The following EPAS1 variants were observed in gnomAD, a reference collection of about 807,000 sequenced individuals.
EPAS1 encodes the protein endothelial PAS domain protein 1.
A neutral mutation model predicts 87.9 loss-of-function variants in EPAS1; 23 were observed. The observed-to-expected ratio is 0.26, with a 90% confidence interval of 0.19 to 0.37. The LOEUF (loss-of-function observed/expected upper bound fraction) is 0.37. Among genes scored for constraint, EPAS1 ranks in the 10% least tolerant of loss-of-function variants. EPAS1 has a pLI of 1.00. For synonymous variants in EPAS1, 508 were observed against 444.3 expected (o/e 1.14, Z -1.80); for missense variants, 1,138 against 1,120.7 (o/e 1.02, Z -0.22).
intron 1 of EPAS1, among the ~76,000 whole-genome samples, chr2:46,307,821 C>A (rs1032385079): frequency 4.6e-5 from 7 of 152,186 alleles, no homozygotes; most frequent in Non-Finnish European, 8.8e-5. Flanking sequence ...CTGTTTTAGG[C>A]CTCCTCAGCG....
intron 1 of EPAS1, among the ~76,000 whole-genome samples, chr2:46,334,629 G>A (rs925960960): frequency 2.0e-5 from 3 of 152,150 alleles, no homozygotes; most frequent in African/African-American, 7.2e-5. Flanking sequence ...GCTCCCTGAG[G>A]TCAGGCATAG....
At chr2:46,336,574 A>G (rs1384365307) in intron 1 of EPAS1, among the ~76,000 whole-genome samples, 4 of 152,180 alleles carry the variant, frequency 2.6e-5, no homozygotes, top group African/African-American at 9.7e-5. Flanking sequence ...CCATAAAGAA[A>G]GCTACAAAGA....
intron 1 of EPAS1, among the ~76,000 whole-genome samples, chr2:46,341,978 C>T (rs1010534916): frequency 1.3e-5 from 2 of 152,114 alleles, no homozygotes; most frequent in Admixed American, 1.3e-4. Flanking sequence ...CATCTGCCTC[C>T]CCCCACCACA....
chr2:46,310,977 C>T (rs373573963), intron 1 of EPAS1, among the ~76,000 whole-genome samples: 14 of 152,128 alleles, frequency 9.2e-5, no homozygotes, highest in East Asian at 1.9e-4. Flanking sequence ...CCCAGGTTCA[C>T]GCCATTCTCC....
Position 46,384,981 on chromosome 2 carries a change from A to C in EPAS1, c.*321A>C. 1 of 383,740 alleles carries C rather than the reference A, an allele frequency of 2.6e-6. No homozygotes were observed. The highest frequency in any genetic ancestry group is 5.0e-6 in the Non-Finnish European group (1 of 201,988). The allele number at this position is 383,740 out of a possible 1,614,324, so 23.8% of individuals were successfully genotyped here. ...CTCCCTCCTTCTCCTTCTCACACAC[A>C]ACTGTCCATACTAACAAGTTTGGTG... is the stretch of plus-strand genomic sequence containing the variant. On this transcript the variant is annotated 3_prime_UTR_variant, in exon 16 of 16. Coordinates refer to ENST00000263734, the MANE Select transcript of EPAS1 (RefSeq NM_001430.5).
chr2:46,329,138 C>A (rs1396363992), intron 1 of EPAS1, among the ~76,000 whole-genome samples: 1 of 152,186 alleles, frequency 6.6e-6, no homozygotes, highest in Non-Finnish European at 1.5e-5. Flanking sequence ...TATTACATTT[C>A]TTTTCCTTAA....
chr2:46,330,031 A>G (rs1444823811), intron 1 of EPAS1, among the ~76,000 whole-genome samples: 2 of 152,252 alleles, frequency 1.3e-5, no homozygotes, highest in East Asian at 1.9e-4. Context: ...GTAACTGCTG[A>G]ACATTCTGAT....
intron 1 of EPAS1, among the ~76,000 whole-genome samples, chr2:46,305,717 T>TA (rs1553388330): frequency 6.6e-6 from 1 of 152,030 alleles, no homozygotes; most frequent in Non-Finnish European, 1.5e-5. Flanking sequence ...TCTTGAACTA[T>TA]CCCCCCATCC....
intron 1 of EPAS1, among the ~76,000 whole-genome samples, chr2:46,317,466 T>C (rs931734322): frequency 6.6e-6 from 1 of 152,220 alleles, no homozygotes; most frequent in African/African-American, 2.4e-5. Context: ...ACTAGGTGCA[T>C]TGACAACGAG....
At chr2:46,316,645 T>C (rs1237724246) in intron 1 of EPAS1, among the ~76,000 whole-genome samples, 2 of 152,314 alleles carry the variant, frequency 1.3e-5, no homozygotes, top group Admixed American at 6.5e-5. Context: ...AGTCATAATC[T>C]TCTTACTGGG....
chr2:46,380,152 A>C lies in EPAS1; in HGVS notation c.1555-75A>C. The C allele has an allele frequency of 6.3e-7, 1 of 1,597,608 alleles. No individual in the cohort carries two copies. Among genetic ancestry groups the C allele is most frequent in the Non-Finnish European group, 8.5e-7 (1 of 1,178,362 alleles). On this transcript the variant is annotated intron_variant, in intron 11 of 15. Transcript: ENST00000263734. This position sits in a 1 kb window ranked among gnomAD's most constrained non-coding sequence, Gnocchi z 4.4. ...CAGTGCTTGAGATGAATGGCTCTGC[A>C]GGAGCTGAGTTGGAATAGTGTTTGT...
At chr2:46,381,854 G>A in intron 13 of EPAS1, 121 bp from the exon 14 acceptor site, 3 of 1,543,128 alleles carry the variant, frequency 1.9e-6, no homozygotes, top group Middle Eastern at 2.0e-4. Flanking sequence ...TGAGAGGGGT[G>A]GGGATGTGGC....
chr2:46,324,454 A>C (rs1023149519), intron 1 of EPAS1, among the ~76,000 whole-genome samples: 10 of 152,182 alleles, frequency 6.6e-5, no homozygotes, highest in African/African-American at 2.4e-4. Context: ...TTATCATCCA[A>C]AACTACAAAT....
chr2:46,334,260 C>T (rs993198494), intron 1 of EPAS1, among the ~76,000 whole-genome samples: 4 of 152,180 alleles, frequency 2.6e-5, no homozygotes, highest in East Asian at 1.9e-4. Flanking sequence ...GGCAATTATC[C>T]GGGCATCTGA....
At position 46,347,519 on chromosome 2, in the gene EPAS1, A is replaced by C. The variant is rs1684056654; in HGVS notation, c.217+456A>C. ...CTGAGAAGCCAGTTAGGCCAAGTAA[A>C]TCATTTAGTCTCTCTGAACATTGGT... On this transcript the variant is annotated intron_variant, in intron 2 of 15. Coordinates refer to ENST00000263734, the MANE Select transcript of EPAS1 (RefSeq NM_001430.5). The surrounding 1 kb of genome is among the most constrained non-coding windows in gnomAD (Gnocchi z 4.2). 1 of 254,334 alleles carries C rather than the reference A, an allele frequency of 3.9e-6. No individual in the cohort carries two copies. Among genetic ancestry groups the C allele is most frequent in the Non-Finnish European group, 7.8e-6 (1 of 128,392 alleles). 15.8% of individuals were successfully genotyped at this position (254,334 alleles called of 1,614,324 possible). A position where few individuals can be genotyped will look rare whatever the true frequency, so the allele number is the denominator to read the frequency against.
At chr2:46,308,674 C>G (rs1683155683) in intron 1 of EPAS1, among the ~76,000 whole-genome samples, 1 of 152,126 alleles carries the variant, frequency 6.6e-6, no homozygotes, top group Admixed American at 6.5e-5. Flanking sequence ...TGATACATAA[C>G]TTTATATCAG....
chr2:46,322,591 A>T (rs1558586864), intron 1 of EPAS1, among the ~76,000 whole-genome samples: 1 of 152,162 alleles, frequency 6.6e-6, no homozygotes, highest in Non-Finnish European at 1.5e-5. Flanking sequence ...TCATCCCTGG[A>T]CCACACTATG....
chr2:46,329,316 C>T (rs1437146182), intron 1 of EPAS1, among the ~76,000 whole-genome samples: 1 of 152,150 alleles, frequency 6.6e-6, no homozygotes. Flanking sequence ...GACTCAGCAC[C>T]TATGCCGACA....
At chr2:46,329,595 G>A (rs562096530) in intron 1 of EPAS1, among the ~76,000 whole-genome samples, 95 of 152,242 alleles carry the variant, frequency 6.2e-4, no homozygotes, top group African/African-American at 2.1e-3. Flanking sequence ...AGGCCGAGGC[G>A]GGTGGATCAT....
Sources: allele counts gnomAD v4.1 joint callset (sites outside exome capture counted in the v4.1 genomes callset), GRCh38; gene constraint gnomAD v4.1.1; non-coding constraint Gnocchi (gnomAD v3.1); transcripts MANE v1.5; gene names NCBI Gene and HGNC (gene_info 2026-07-23, HGNC 2026-07-21).